The following RIMS1 variants were observed in gnomAD, a reference collection of about 807,000 sequenced individuals.
The protein encoded by RIMS1 is regulating synaptic membrane exocytosis 1, also known as regulating synaptic membrane exocytosis protein 1.
Under a neutral mutation model 214.1 loss-of-function variants are expected in RIMS1, and 83 were observed. The ratio of observed to expected loss-of-function variants is 0.39; its 90% CI spans 0.32 to 0.47. The LOEUF is 0.47. RIMS1 is among the 20% of genes least tolerant of loss of function. The pLI is 0.99. For missense variants in RIMS1, 2,050 were observed against 2,161.8 expected, an observed-to-expected ratio of 0.95 and a Z score of 1.03; for synonymous variants, 793 against 786.8, an observed-to-expected ratio of 1.01 and a Z score of -0.13.
chr6:72,009,471 G>A (rs1338167745), intron 2 of RIMS1, among the ~76,000 whole-genome samples: 1 of 152,068 alleles, frequency 6.6e-6, no homozygotes, highest in Admixed American at 6.6e-5. Context: ...AAATAACTAA[G>A]ATCAGAGCAG....
rs977221612 is a variant in RIMS1 at position 71,988,909 on chromosome 6, T to A, written c.245+19846T>A. On this transcript the variant is annotated intron_variant, in intron 2 of 33. Transcript: ENST00000521978. ...TTTGTTAATACAACAGCATCATATATACATGCCTAAGTGGGACTGATTCAG... is the reference window on the plus strand; with the variant it reads ...TTTGTTAATACAACAGCATCATATAAACATGCCTAAGTGGGACTGATTCAG... Among the ~76,000 whole-genome samples the A allele has an allele frequency of 2.0e-5, 3 of 152,232 alleles. No homozygotes were observed. The South Asian group carries it at 6.2e-4, about 32-fold the overall frequency.
intron 1 of RIMS1, among the ~76,000 whole-genome samples, chr6:71,892,847 T>A (rs1259445760): frequency 2.0e-5 from 3 of 152,152 alleles, no homozygotes; most frequent in African/African-American, 7.2e-5. Context: ...ATTTTAAAAC[T>A]GCCGTAGTCA....
intron 4 of RIMS1, among the ~76,000 whole-genome samples, chr6:72,171,487 T>C (rs2047027924): frequency 6.6e-6 from 1 of 152,082 alleles, no homozygotes; most frequent in Admixed American, 6.5e-5. Context: ...AATGATAAAA[T>C]AACCATTATA....
intron 6 of RIMS1, among the ~76,000 whole-genome samples, chr6:72,228,943 G>A (rs1237932234): frequency 6.6e-6 from 1 of 151,712 alleles, no homozygotes; most frequent in Non-Finnish European, 1.5e-5. Flanking sequence ...AAACATAGCT[G>A]CCATCCAAAC....
rs971761113 is a variant in RIMS1 at position 72,111,869 on chromosome 6, T to C, written c.471+11883T>C. Reference sequence around the variant, plus strand: ...GATTTCTTTCCCCACAGTTGTCCCATGGATCATACTTGTCTCCAGCCTCTG... The same window carrying C: ...GATTTCTTTCCCCACAGTTGTCCCACGGATCATACTTGTCTCCAGCCTCTG... On this transcript the variant is annotated intron_variant, in intron 4 of 33. Coordinates refer to ENST00000521978, the MANE Select transcript of RIMS1 (RefSeq NM_014989.7). Among the ~76,000 whole-genome samples the C allele has an allele frequency of 2.0e-5, 3 of 152,252 alleles. No individual in the cohort carries two copies. The East Asian group carries it at 5.8e-4, about 29-fold the overall frequency.
At chr6:72,029,799 G>A (rs1344638598) in intron 2 of RIMS1, among the ~76,000 whole-genome samples, 1 of 152,080 alleles carries the variant, frequency 6.6e-6, no homozygotes, top group East Asian at 1.9e-4. Context: ...AAGATATTAA[G>A]CAATTCCAAA....
intron 28 of RIMS1, chr6:72,316,684 T>G: frequency 1.7e-6 from 1 of 600,398 alleles, no homozygotes; most frequent in Non-Finnish European, 3.2e-6. Context: ...GATGCTTTTA[T>G]TGGGTGGCAC....
chr6:72,294,508 G>A (rs1248646505), intron 26 of RIMS1, among the ~76,000 whole-genome samples: 1 of 151,608 alleles, frequency 6.6e-6, no homozygotes, highest in Non-Finnish European at 1.5e-5. Context: ...ATTTCAAATG[G>A]TTTAGATTAC....
intron 2 of RIMS1, among the ~76,000 whole-genome samples, chr6:72,050,973 C>T (rs1051845695): frequency 6.6e-6 from 1 of 152,160 alleles, no homozygotes; most frequent in Non-Finnish European, 1.5e-5. Flanking sequence ...GAAGCAATTA[C>T]CAGTTCCCAA....
At chr6:72,318,751 T>C (rs563993334) in intron 28 of RIMS1, among the ~76,000 whole-genome samples, 1 of 152,300 alleles carries the variant, frequency 6.6e-6, no homozygotes, top group Non-Finnish European at 1.5e-5. Flanking sequence ...TCTTGACTCA[T>C]GAGGATTTCA....
Position 72,237,885 on chromosome 6 carries a change from G to A in RIMS1, c.1920G>A (p.Lys640=), listed in dbSNP as rs1212939159. 6.2e-7 allele frequency: 1 copy of A among 1,613,404 alleles called. No individual in the cohort carries two copies. Among genetic ancestry groups the A allele is most frequent in the South Asian group, 1.1e-5 (1 of 91,048 alleles). ...GTGCTTTCATCACCAAAGTAAAGAAGGGTAGCCTAGCAGATGTAGTTGGAC... is the reference window on the plus strand; with the variant it reads ...GTGCTTTCATCACCAAAGTAAAGAAAGGTAGCCTAGCAGATGTAGTTGGAC... ...RLGAFITKVK[K]GSLADVVGHL... Residue 640 remains lysine, a synonymous_variant, in exon 9 of 34, where the codon AAG becomes AAA. Transcript: ENST00000521978.
chr6:72,147,941 A>T (rs6934217), intron 4 of RIMS1, among the ~76,000 whole-genome samples: 16 of 152,270 alleles, frequency 1.1e-4, no homozygotes, highest in African/African-American at 3.9e-4. Flanking sequence ...CCAGCATCCC[A>T]GGCTTCTGGG....
In RIMS1 at chr6:72,366,371, C is replaced by T. The variant is rs191917311; in HGVS notation, c.4367-24227C>T. On this transcript the variant is annotated intron_variant, in intron 29 of 33. Coordinates refer to ENST00000521978, the MANE Select transcript of RIMS1 (RefSeq NM_014989.7). ...TTAAACAAACTTATCCTGGAAATCA[C>T]GTATTAGCCCTGAGCTTTACTTCTC... Among the ~76,000 whole-genome samples the T allele has an allele frequency of 8.2e-4, 125 of 152,290 alleles. 1 individual carries two copies. Among genetic ancestry groups the T allele is most frequent in the African/African-American group, 2.9e-3 (120 of 41,564 alleles).
intron 24 of RIMS1, among the ~76,000 whole-genome samples, chr6:72,287,723 G>C: frequency 6.6e-6 from 1 of 151,822 alleles, no homozygotes; most frequent in Non-Finnish European, 1.5e-5. Flanking sequence ...AGCCTCCTGA[G>C]TAGCTGGATT....
intron 1 of RIMS1, among the ~76,000 whole-genome samples, chr6:71,924,952 G>A (rs1340258194): frequency 6.6e-6 from 1 of 152,082 alleles, no homozygotes; most frequent in Non-Finnish European, 1.5e-5. Flanking sequence ...CTGTAACAGA[G>A]TCTGGGTTCC....
At chr6:72,116,461 T>C (rs1337679569) in intron 4 of RIMS1, among the ~76,000 whole-genome samples, 3 of 152,046 alleles carry the variant, frequency 2.0e-5, no homozygotes, top group Non-Finnish European at 4.4e-5. Flanking sequence ...CTGTTTCATA[T>C]AAATGTAACA....
chr6:72,138,803 C>T (rs1385944010), intron 4 of RIMS1, among the ~76,000 whole-genome samples: 1 of 152,010 alleles, frequency 6.6e-6, no homozygotes, highest in African/African-American at 2.4e-5. Context: ...ACTAATAACA[C>T]CCAGTGTTGT....
rs1215829454 is a variant in RIMS1 at position 72,260,711 on chromosome 6, T to G, written c.3060T>G (p.Leu1020=). Residue 1020 remains leucine, a synonymous_variant, in exon 19 of 34, where the codon CTT becomes CTG. Transcript: ENST00000521978. ...SQYLSEQDSE[L]LMLPRAKRGR... ...ACCCATCCTGTCTGTGCAGTGAGCT[T>G]CTTATGCTGCCCAGAGCAAAACGAG... 11 of 1,612,400 alleles carry G rather than the reference T, an allele frequency of 6.8e-6. No homozygotes were observed. The highest frequency in any genetic ancestry group is 1.3e-5 in the African/African-American group (1 of 74,866).
In RIMS1 at chr6:72,340,306, A is replaced by G. The variant is rs567562048; in HGVS notation, c.4366+6471A>G. Among the ~76,000 whole-genome samples the G allele has an allele frequency of 1.1e-3, 173 of 151,614 alleles. 2 individuals carry two copies. The highest frequency in any genetic ancestry group is 9.0e-3 in the South Asian group (43 of 4,794). On this transcript the variant is annotated intron_variant, in intron 29 of 33. Transcript: ENST00000521978. ...TAGTTTAATTAGATCCCATTTGTCA[A>G]TTTTGGCTTTTGTTGCCATTGCTTT...
Sources: gnomAD v4.1 joint callset for allele counts (sites outside exome capture counted in the v4.1 genomes callset) on GRCh38, gnomAD v4.1.1 for gene constraint, MANE v1.5 for transcripts, NCBI Gene and HGNC (gene_info 2026-07-23, HGNC 2026-07-21) for gene names.